PRSS23: variants seen among roughly 807,000 people sequenced by gnomAD.
The protein encoded by PRSS23 is serine protease 23, also known as protease, serine 23.
PRSS23 carries 25 observed loss-of-function variants against 34.7 expected under a neutral mutation model. That is an observed-to-expected ratio of 0.72 (90% CI 0.53 to 1.01). PRSS23 has a LOEUF of 1.01. Ranked by LOEUF, PRSS23 falls within the 50% of genes least tolerant of loss-of-function variation. PRSS23 has a pLI of 0.00. For synonymous variants in PRSS23, 176 were observed against 186.6 expected (o/e 0.94, Z 0.46); for missense variants, 445 against 475.6 (o/e 0.94, Z 0.60).
intron 2 of PRSS23, chr11:86,909,947 A>T (rs140441053): frequency 6.6e-6 from 1 of 152,204 alleles, no homozygotes; most frequent in African/African-American, 2.4e-5. Flanking sequence ...TCACAATATG[A>T]CAGGTGCTGT....
intron 1 of PRSS23, among the ~76,000 whole-genome samples, chr11:86,791,949 G>A (rs1947954576): frequency 6.6e-6 from 1 of 152,178 alleles, no homozygotes; most frequent in South Asian, 2.1e-4. Context: ...TGAGAATCAG[G>A]CTCTGTGCGA....
chr11:86,880,716 A>T (rs1469002441), intron 2 of PRSS23, among the ~76,000 whole-genome samples: 1 of 151,580 alleles, frequency 6.6e-6, no homozygotes, highest in African/African-American at 2.4e-5. Flanking sequence ...TCATTGTTCA[A>T]CTCCCACTTA....
intron 1 of PRSS23, chr11:86,821,814 C>T: frequency 1.4e-6 from 1 of 725,246 alleles, no homozygotes; most frequent in Non-Finnish European, 2.3e-6. Context: ...CCGCCATGAC[C>T]ATAGTGTCAG....
At chr11:86,815,438 T>C (rs1948208493), downstream of PRSS23, among the ~76,000 whole-genome samples, 1 of 152,222 alleles carries the variant, frequency 6.6e-6, no homozygotes, top group African/African-American at 2.4e-5. Context: ...ATAATGTTAT[T>C]CAAATGGCTG....
chr11:86,797,903 A>C (rs1378538824), upstream of PRSS23, among the ~76,000 whole-genome samples: 1 of 152,246 alleles, frequency 6.6e-6, no homozygotes, highest in Non-Finnish European at 1.5e-5. Flanking sequence ...CCACACAACT[A>C]GTAAGCGTCA....
chr11:86,817,282 G>GT (rs1437909768), intron 1 of PRSS23, among the ~76,000 whole-genome samples: 1 of 152,068 alleles, frequency 6.6e-6, no homozygotes, highest in Admixed American at 6.6e-5. Flanking sequence ...TTTAGATACT[G>GT]TTTTAAAAAC....
intron 2 of PRSS23, among the ~76,000 whole-genome samples, chr11:86,856,243 A>G (rs573713984): frequency 2.6e-5 from 4 of 152,236 alleles, no homozygotes; most frequent in East Asian, 1.9e-4. Context: ...TGAAGAAATC[A>G]TATTACAATT....
At chr11:86,849,955 T>C (rs1377689894) in intron 2 of PRSS23, among the ~76,000 whole-genome samples, 2 of 152,178 alleles carry the variant, frequency 1.3e-5, no homozygotes, top group East Asian at 1.9e-4. Context: ...TAGAGAAGAA[T>C]GTTGCTATTT....
At chr11:86,927,999 T>C (rs1054622968) in intron 2 of PRSS23, among the ~76,000 whole-genome samples, 2 of 151,886 alleles carry the variant, frequency 1.3e-5, no homozygotes, top group African/African-American at 4.8e-5. Flanking sequence ...ACAAGCTCCA[T>C]GTCCTTAAAA....
At chr11:86,893,424 C>T (rs1340129680) in intron 2 of PRSS23, among the ~76,000 whole-genome samples, 1 of 152,128 alleles carries the variant, frequency 6.6e-6, no homozygotes, top group Non-Finnish European at 1.5e-5. Flanking sequence ...TGGCTGTAAA[C>T]CACTAAATTG....
In PRSS23 at chr11:86,800,577, G is replaced by A. The variant is rs947927788; in HGVS notation, c.-88G>A. ...GTGCGGCGGGGCAGGCATGGGAGCC[G>A]CGCGCTCTCTCCCGGCGCCCACACC... is the stretch of plus-strand genomic sequence containing the variant. On this transcript the variant is annotated 5_prime_UTR_variant, in exon 1 of 2. Transcript: ENST00000280258. 41 of 984,978 alleles carry A rather than the reference G, an allele frequency of 4.2e-5. No homozygotes were observed. The African/African-American group carries it at 6.6e-4, about 16-fold the overall frequency. 61.0% of individuals were successfully genotyped at this position (984,978 alleles called of 1,614,324 possible).
At chr11:86,832,804 A>G (rs1425779831) in intron 2 of PRSS23, 2 of 295,010 alleles carry the variant, frequency 6.8e-6, no homozygotes, top group Non-Finnish European at 1.3e-5. Flanking sequence ...TTTTATAGTA[A>G]GAGAAAATGA....
intron 2 of PRSS23, among the ~76,000 whole-genome samples, chr11:86,880,852 T>C (rs1948768026): frequency 6.6e-6 from 1 of 152,366 alleles, no homozygotes; most frequent in East Asian, 1.9e-4. Flanking sequence ...CTGCAGAGTA[T>C]TATATGGAAA....
At chr11:86,922,432 T>C (rs1949052683) in intron 2 of PRSS23, among the ~76,000 whole-genome samples, 1 of 151,988 alleles carries the variant, frequency 6.6e-6, no homozygotes, top group Non-Finnish European at 1.5e-5. Context: ...GCCCAGGAGT[T>C]AGAGACCAAC....
At chr11:86,917,778 C>T (rs1291042335) in intron 2 of PRSS23, among the ~76,000 whole-genome samples, 2 of 152,172 alleles carry the variant, frequency 1.3e-5, no homozygotes, top group African/African-American at 2.4e-5. Context: ...CAGCCAATAT[C>T]TCACCCAGTA....
intron 2 of PRSS23, among the ~76,000 whole-genome samples, chr11:86,893,980 CT>C (rs1948858430): frequency 6.6e-6 from 1 of 152,084 alleles, no homozygotes; most frequent in South Asian, 2.1e-4. Context: ...AATCAATTCA[CT>C]GGACAGAATT....
At chr11:86,845,498 G>A (rs1044544554) in intron 2 of PRSS23, among the ~76,000 whole-genome samples, 4 of 152,106 alleles carry the variant, frequency 2.6e-5, no homozygotes, top group Non-Finnish European at 5.9e-5. Flanking sequence ...ACTTCTGTTG[G>A]ATCAACAAGA....
chr11:86,896,561 T>C (rs1330764671), intron 2 of PRSS23: 5 of 152,240 alleles, frequency 3.3e-5, no homozygotes, highest in African/African-American at 1.2e-4. Context: ...GAAACCCTTT[T>C]TGTAATTCTC....
intron 2 of PRSS23, chr11:86,857,640 G>T: frequency 1.9e-6 from 1 of 525,434 alleles, no homozygotes; most frequent in South Asian, 1.5e-5. Flanking sequence ...ATGGGCAGAT[G>T]GCCACAAATC....
Sources: gnomAD v4.1 joint callset for allele counts (sites outside exome capture counted in the v4.1 genomes callset) on GRCh38, gnomAD v4.1.1 for gene constraint, MANE v1.5 for transcripts, NCBI Gene and HGNC (gene_info 2026-07-23, HGNC 2026-07-21) for gene names.